Variants in PLCH1 observed in about 807,000 individuals in gnomAD.
PLCH1 encodes phospholipase C eta 1.
In PLCH1, 60 loss-of-function variants were observed where a neutral mutation model predicts 126.7. That is an observed-to-expected ratio of 0.47 (90% confidence interval 0.38 to 0.59). The LOEUF (loss-of-function observed/expected upper bound fraction) is 0.59, where lower values mean the gene tolerates loss of function less well. Ranked by LOEUF, PLCH1 falls within the 20% of genes least tolerant of loss-of-function variation. The probability of loss-of-function intolerance (pLI) is 0.00; values close to 1 mark genes in which losing one functional copy is unlikely to be tolerated. For missense variants in PLCH1, 1,723 were observed against 2,040.0 expected (o/e 0.84, Z 2.99); for synonymous variants, 719 against 734.9 (o/e 0.98, Z 0.35).
Position 155,494,328 on chromosome 3 carries a change from G to T in PLCH1, c.2074+10C>A. 1 of 1,613,846 alleles carries T rather than the reference G, an allele frequency of 6.2e-7. No homozygotes were observed. Among genetic ancestry groups the T allele is most frequent in the African/African-American group, 1.3e-5 (1 of 75,018 alleles). ...ATACAGAGAACCACTCCTTCCCAAGGAATACACACCTAGCTGGCAGCCTGC... is the reference window on the plus strand; with the variant it reads ...ATACAGAGAACCACTCCTTCCCAAGTAATACACACCTAGCTGGCAGCCTGC... On this transcript the variant is annotated intron_variant, in intron 16 of 22. Coordinates refer to ENST00000460012, the MANE Select transcript of PLCH1 (RefSeq NM_014996.4).
intron 10 of PLCH1, among the ~76,000 whole-genome samples, chr3:155,543,646 G>A (rs1420549028): frequency 2.6e-5 from 4 of 152,002 alleles, no homozygotes; most frequent in African/African-American, 7.2e-5. Context: ...GAGAAAGGTC[G>A]GGTTACCCAC....
chr3:155,568,416 A>T (rs1560180696), intron 6 of PLCH1, 92 bp from the exon 7 acceptor site: 1 of 615,800 alleles, frequency 1.6e-6, no homozygotes. Flanking sequence ...TGCATTCTTC[A>T]CACCGTACAA....
At chr3:155,573,306 T>C (rs7634609) in intron 6 of PLCH1, among the ~76,000 whole-genome samples, 1 of 152,190 alleles carries the variant, frequency 6.6e-6, no homozygotes, top group East Asian at 1.9e-4. Flanking sequence ...TCTCAATGCA[T>C]AGATGGTCAC....
intron 2 of PLCH1, among the ~76,000 whole-genome samples, chr3:155,674,662 C>T (rs1325825769): frequency 6.6e-6 from 1 of 152,022 alleles, no homozygotes; most frequent in Admixed American, 6.6e-5. Context: ...AATATTTGCT[C>T]AATGAAAAAT....
At chr3:155,671,962 G>C (rs549341757) in intron 2 of PLCH1, among the ~76,000 whole-genome samples, 8 of 152,222 alleles carry the variant, frequency 5.3e-5, no homozygotes, top group African/African-American at 1.7e-4. Flanking sequence ...ATAATATTGT[G>C]TTTAAATTTT....
intron 21 of PLCH1, among the ~76,000 whole-genome samples, chr3:155,472,044 A>C (rs1425691656): frequency 6.6e-6 from 1 of 152,202 alleles, no homozygotes; most frequent in Non-Finnish European, 1.5e-5. Flanking sequence ...AAACGCATTC[A>C]AAAGCTAGCA....
intron 2 of PLCH1, among the ~76,000 whole-genome samples, chr3:155,702,582 T>C (rs1559949200): frequency 6.6e-6 from 1 of 151,938 alleles, no homozygotes; most frequent in Non-Finnish European, 1.5e-5. Context: ...ATAAACTAAT[T>C]GGTAATACGA....
At chr3:155,488,503 T>C (rs1715643545) in intron 20 of PLCH1, among the ~76,000 whole-genome samples, 157 bp downstream of exon 20, 3 of 152,128 alleles carry the variant, frequency 2.0e-5, no homozygotes, top group Admixed American at 2.0e-4. Flanking sequence ...AGCCCAACTA[T>C]ACTCCTTTAC....
At chr3:155,542,404 C>T (rs1020013950) in intron 10 of PLCH1, among the ~76,000 whole-genome samples, 44 of 152,204 alleles carry the variant, frequency 2.9e-4, no homozygotes, top group Non-Finnish European at 5.4e-4. Context: ...GGGTGGAGCC[C>T]ACCACAGCTT....
At chr3:155,560,071 G>A (rs1354050794) in intron 8 of PLCH1, among the ~76,000 whole-genome samples, 1 of 152,194 alleles carries the variant, frequency 6.6e-6, no homozygotes, top group Non-Finnish European at 1.5e-5. Flanking sequence ...AAACCAAAAA[G>A]AGAAGCCTAG....
At chr3:155,651,553 G>C (rs931949406) in intron 2 of PLCH1, among the ~76,000 whole-genome samples, 6 of 152,056 alleles carry the variant, frequency 3.9e-5, no homozygotes, top group African/African-American at 1.4e-4. Flanking sequence ...TTTTCCCAAG[G>C]ATGGGCATAG....
At chr3:155,714,391 C>T (rs1446271619) in intron 1 of PLCH1, among the ~76,000 whole-genome samples, 5 of 152,144 alleles carry the variant, frequency 3.3e-5, no homozygotes, top group Middle Eastern at 3.2e-3. Context: ...CCATGTCACC[C>T]GCCACCCAGC....
intron 2 of PLCH1, among the ~76,000 whole-genome samples, chr3:155,703,023 C>T (rs750963749): frequency 1.3e-5 from 2 of 152,174 alleles, no homozygotes; most frequent in Admixed American, 6.5e-5. Context: ...GCTGACATTG[C>T]TAATACCTAA....
In PLCH1 at chr3:155,482,481, T is replaced by C. The variant is rs1714290920; in HGVS notation, c.3545A>G (p.Asn1182Ser). 2 of 1,614,150 alleles carry C rather than the reference T, an allele frequency of 1.2e-6. No individual in the cohort carries two copies. The highest frequency in any genetic ancestry group is 1.7e-6 in the Non-Finnish European group (2 of 1,180,008). Residue 1182 changes from asparagine to serine, a missense_variant, in exon 23 of 23, where the codon AAT becomes AGT. Around this residue, in one of 2 missense-constraint regions of PLCH1, gnomAD observed 947 missense variants for 977.1 expected, o/e 0.97. Coordinates refer to ENST00000460012, the MANE Select transcript of PLCH1 (RefSeq NM_014996.4). ...LIDNVTLTNE[N>S]EPGSSISALI... Reference sequence around the variant, plus strand: ...GGCTGAGATGGAACTGCCCGGCTCATTCTCATTTGTTAAAGTGACATTGTC... The same window carrying C: ...GGCTGAGATGGAACTGCCCGGCTCACTCTCATTTGTTAAAGTGACATTGTC...
chr3:155,570,959 T>C (rs141603962), intron 6 of PLCH1, among the ~76,000 whole-genome samples: 245 of 152,328 alleles, frequency 1.6e-3, no homozygotes, highest in Non-Finnish European at 2.3e-3. Context: ...TTATTTACTG[T>C]AGTTCTTTAG....
At chr3:155,622,412 T>G (rs1736632460) in intron 2 of PLCH1, among the ~76,000 whole-genome samples, 1 of 152,276 alleles carries the variant, frequency 6.6e-6, no homozygotes, top group East Asian at 1.9e-4. Context: ...CACATAACAA[T>G]ATTAACCTTA....
At chr3:155,634,069 A>G (rs1431621569) in intron 2 of PLCH1, among the ~76,000 whole-genome samples, 1 of 152,170 alleles carries the variant, frequency 6.6e-6, no homozygotes, top group African/African-American at 2.4e-5. Context: ...CAGACTCCCT[A>G]CTGCTTACCA....
intron 8 of PLCH1, among the ~76,000 whole-genome samples, chr3:155,558,675 C>T (rs1248217801): frequency 2.0e-5 from 3 of 152,096 alleles, no homozygotes; most frequent in Non-Finnish European, 4.4e-5. Context: ...CAGAGTAGGA[C>T]GGTGTGAGAT....
At chr3:155,549,638 AT>A in intron 10 of PLCH1, 148 bp downstream of exon 10, 1 of 583,086 alleles carries the variant, frequency 1.7e-6, no homozygotes, top group Non-Finnish European at 3.0e-6. Flanking sequence ...CTATAAAAAA[AT>A]TGGAATAAGG....
Sources: gnomAD v4.1 joint callset for allele counts (sites outside exome capture counted in the v4.1 genomes callset) on GRCh38, gnomAD v4.1.1 for gene constraint, gnomAD v4.1.1 regional missense constraint, MANE v1.5 for transcripts, NCBI Gene and HGNC (gene_info 2026-07-23, HGNC 2026-07-21) for gene names.